The following ARHGAP1 variants were observed in gnomAD, a reference collection of about 807,000 sequenced individuals.
The protein encoded by ARHGAP1 is Rho GTPase activating protein 1, also known as rho GTPase-activating protein 1.
In ARHGAP1, 23 loss-of-function variants were observed where a neutral mutation model predicts 52.2. The ratio of observed to expected loss-of-function variants is 0.44; its 90% CI spans 0.32 to 0.62. ARHGAP1 has a LOEUF of 0.62. ARHGAP1 is among the 20% of genes least tolerant of loss of function. The pLI is 0.05. For missense variants in ARHGAP1, 480 were observed against 560.9 expected, an observed-to-expected ratio of 0.86 and a Z score of 1.46; for synonymous variants, 210 against 228.4, an observed-to-expected ratio of 0.92 and a Z score of 0.73.
chr11:46,681,337 G>C lies in ARHGAP1; in HGVS notation c.492C>G (p.Thr164=). The C allele has an allele frequency of 6.2e-7, 1 of 1,613,834 alleles. No homozygotes were observed. Among genetic ancestry groups the C allele is most frequent in the Non-Finnish European group, 8.5e-7 (1 of 1,179,694 alleles). The part of the protein sequence containing the change: ...NIKALYIVHP[T]MFIKTLLILF... Reference sequence around the variant, plus strand: ...GGATGAGCAGAGTTTTGATGAACATGGTTGGATGCACGATGTACAAGGCCT... The same window carrying C: ...GGATGAGCAGAGTTTTGATGAACATCGTTGGATGCACGATGTACAAGGCCT... Residue 164 remains threonine, a synonymous_variant, in exon 6 of 13, where the codon ACC becomes ACG. Coordinates refer to ENST00000311956, the MANE Select transcript of ARHGAP1 (RefSeq NM_004308.5). The surrounding 1 kb of genome is among the most constrained non-coding windows in gnomAD (Gnocchi z 5.7).
chr11:46,690,244 A>G (rs2064601540), intron 3 of ARHGAP1, among the ~76,000 whole-genome samples: 1 of 151,952 alleles, frequency 6.6e-6, no homozygotes, highest in Non-Finnish European at 1.5e-5. Flanking sequence ...AAAATTAGCC[A>G]GGTGTGGTGG....
At position 46,699,003 on chromosome 11, in the gene ARHGAP1, T is replaced by C. The variant is rs996395144; in HGVS notation, c.-50+1548A>G. Among the ~76,000 whole-genome samples the C allele has an allele frequency of 7.2e-5, 11 of 152,290 alleles. 1 individual carries two copies. In the South Asian group the frequency reaches 2.3e-3, roughly 32 times the overall value. On this transcript the variant is annotated intron_variant, in intron 1 of 12. Coordinates refer to ENST00000311956, the MANE Select transcript of ARHGAP1 (RefSeq NM_004308.5). Reference sequence around the variant, plus strand: ...CAAGCCTGCTCTACTCTGTGCAAAATACACCCAACTCTGAGATTAATTTTT... The same window carrying C: ...CAAGCCTGCTCTACTCTGTGCAAAACACACCCAACTCTGAGATTAATTTTT...
Position 46,680,769 on chromosome 11 carries a change from G to C in ARHGAP1, c.636-22C>G. On this transcript the variant is annotated intron_variant, in intron 7 of 12. Coordinates refer to ENST00000311956, the MANE Select transcript of ARHGAP1 (RefSeq NM_004308.5). The surrounding 1 kb of genome is among the most constrained non-coding windows in gnomAD (Gnocchi z 5.9). The stretch of plus-strand genomic sequence containing the variant: ...ATATCTGTAGGAGTAGAGGGAGGTG[G>C]GTCAGGTCCTGCCTGGCTCTGGAGT... 2.0e-6 allele frequency: 3 copies of C among 1,499,384 alleles called. No individual in the cohort carries two copies. The highest frequency in any genetic ancestry group is 2.7e-6 in the Non-Finnish European group (3 of 1,117,156). 92.9% of individuals were successfully genotyped at this position (1,499,384 alleles called of 1,614,324 possible).
At chr11:46,698,557 G>A (rs2134500501) in intron 1 of ARHGAP1, among the ~76,000 whole-genome samples, 1 of 150,468 alleles carries the variant, frequency 6.6e-6, no homozygotes, top group East Asian at 2.0e-4. Context: ...GCAGTGAGCT[G>A]AGATCAAGCT....
chr11:46,677,937 C>T lies in ARHGAP1; in HGVS notation c.*1100G>A. 2 of 430,548 alleles carry T rather than the reference C, an allele frequency of 4.6e-6. No individual in the cohort carries two copies. The highest frequency in any genetic ancestry group is 9.1e-6 in the Non-Finnish European group (2 of 218,752). The allele number at this position is 430,548 out of a possible 1,614,324, so 26.7% of individuals were successfully genotyped here. A position where few individuals can be genotyped will look rare whatever the true frequency, so the allele number is the denominator to read the frequency against. ...CCAGCCTGGTGACAGAGCGAGACTCCATCTCAGAAAAAAAAAAAAAAAGGT... is the reference window on the plus strand; with the variant it reads ...CCAGCCTGGTGACAGAGCGAGACTCTATCTCAGAAAAAAAAAAAAAAAGGT... On this transcript the variant is annotated 3_prime_UTR_variant, in exon 13 of 13. Coordinates refer to ENST00000311956, the MANE Select transcript of ARHGAP1 (RefSeq NM_004308.5).
At chr11:46,683,255 C>G (rs946190100) in intron 4 of ARHGAP1, among the ~76,000 whole-genome samples, 5 of 152,046 alleles carry the variant, frequency 3.3e-5, no homozygotes, top group African/African-American at 1.2e-4. Context: ...GTTGCCCAGG[C>G]TGGTCTTGAG....
intron 3 of ARHGAP1, among the ~76,000 whole-genome samples, chr11:46,691,441 C>A (rs1354426378): frequency 7.3e-6 from 1 of 136,208 alleles, no homozygotes; most frequent in Non-Finnish European, 1.5e-5. Flanking sequence ...GGTGCCAGCA[C>A]ACCAGGCTAA....
Position 46,679,925 on chromosome 11 carries a change from C to T in ARHGAP1, c.899-149G>A. On this transcript the variant is annotated intron_variant, in intron 10 of 12. Transcript: ENST00000311956. The surrounding 1 kb of genome is among the most constrained non-coding windows in gnomAD (Gnocchi z 4.4). ...GCCCTCTGACACCTGCCTCCCTCTT[C>T]CTCTGTGATCAGAGAATGCAGGTTC... 1 of 1,281,018 alleles carries T rather than the reference C, an allele frequency of 7.8e-7. No individual in the cohort carries two copies. The highest frequency in any genetic ancestry group is 1.1e-6 in the Non-Finnish European group (1 of 947,316). The allele number at this position is 1,281,018 out of a possible 1,614,324, so 79.4% of individuals were successfully genotyped here. A position where few individuals can be genotyped will look rare whatever the true frequency, so the allele number is the denominator to read the frequency against.
At chr11:46,688,931 A>C (rs182855551) in intron 3 of ARHGAP1, among the ~76,000 whole-genome samples, 2 of 152,088 alleles carry the variant, frequency 1.3e-5, no homozygotes, top group East Asian at 3.9e-4. Flanking sequence ...CAAAAATACA[A>C]AAATTAGCTG....
intron 4 of ARHGAP1, among the ~76,000 whole-genome samples, chr11:46,685,799 C>G (rs996132154): frequency 2.6e-5 from 4 of 151,504 alleles, no homozygotes; most frequent in African/African-American, 9.7e-5. Context: ...TTGCCTCAGC[C>G]TCCTGAGTAG....
In ARHGAP1 at chr11:46,678,989, TCC is replaced by T. The variant is rs1364800570; in HGVS notation, c.*46_*47del. The T allele has an allele frequency of 1.9e-6, 3 of 1,596,396 alleles. No homozygotes were observed. The African/African-American group carries it at 4.0e-5, about 21-fold the overall frequency. ...TGGCCCCTGATGCCAGGAGGAAGAGTCCAAACCCGGGCTACCAGAGAAGGGGC... is the reference window on the plus strand; with the variant it reads ...TGGCCCCTGATGCCAGGAGGAAGAGTAAACCCGGGCTACCAGAGAAGGGGC... On this transcript the variant is annotated 3_prime_UTR_variant, in exon 13 of 13. Transcript: ENST00000311956.
rs1320257404 is a variant in ARHGAP1 at position 46,685,674 on chromosome 11, CTCTT to C, written c.317+2495_317+2498del. 2.3e-5 allele frequency among the ~76,000 whole-genome samples: 3 copies of C among 129,604 alleles called. 1 individual carries two copies. The South Asian group carries it at 7.0e-4, about 30-fold the overall frequency. The allele number at this position is 129,604 out of a possible 152,430, so 85.0% of individuals were successfully genotyped here. ...ACAGCCCTGGGAGGTGGGCACAAGTCTCTTTTTTTTTTTTTTTTTTTTGAGACAG... is the reference window on the plus strand; with the variant it reads ...ACAGCCCTGGGAGGTGGGCACAAGTCTTTTTTTTTTTTTTTTTTGAGACAG... On this transcript the variant is annotated intron_variant, in intron 4 of 12. Transcript: ENST00000311956.
Position 46,679,316 on chromosome 11 carries a change from C to T in ARHGAP1, c.1131+49G>A, listed in dbSNP as rs2064505291. 2.5e-6 allele frequency: 4 copies of T among 1,606,438 alleles called. No homozygotes were observed. The highest frequency in any genetic ancestry group is 2.6e-6 in the Non-Finnish European group (3 of 1,173,982). ...GACCAGGGCGCAGAGGAGGCGGCAGCTCCTCCTTCCCCCTCCCTTCACCCC... is the reference window on the plus strand; with the variant it reads ...GACCAGGGCGCAGAGGAGGCGGCAGTTCCTCCTTCCCCCTCCCTTCACCCC... On this transcript the variant is annotated intron_variant, in intron 12 of 12. Coordinates refer to ENST00000311956, the MANE Select transcript of ARHGAP1 (RefSeq NM_004308.5). This position sits in a 1 kb window ranked among gnomAD's most constrained non-coding sequence, Gnocchi z 4.4.
intron 3 of ARHGAP1, 94 bp from the exon 4 acceptor site, chr11:46,688,354 C>T: frequency 1.6e-6 from 2 of 1,260,848 alleles, no homozygotes; most frequent in South Asian, 2.7e-5. Flanking sequence ...CTGATCTGAG[C>T]CAGTTACCAC....
intron 3 of ARHGAP1, chr11:46,695,444 C>A: frequency 1.5e-6 from 1 of 651,440 alleles, no homozygotes; most frequent in South Asian, 1.5e-5. Context: ...ATTATTGTAA[C>A]CCACAAGGAA....
At chr11:46,689,260 C>A (rs1276178761) in intron 3 of ARHGAP1, among the ~76,000 whole-genome samples, 1 of 152,104 alleles carries the variant, frequency 6.6e-6, no homozygotes, top group East Asian at 1.9e-4. Context: ...AAGCCAGTCA[C>A]AAAAGGCCAC....
chr11:46,690,479 A>C (rs952632339), intron 3 of ARHGAP1, among the ~76,000 whole-genome samples: 4 of 151,936 alleles, frequency 2.6e-5, no homozygotes, highest in Non-Finnish European at 5.9e-5. Flanking sequence ...TGATCCTCTC[A>C]CCTCAGCTTC....
At chr11:46,691,087 T>C (rs1022603409) in intron 3 of ARHGAP1, among the ~76,000 whole-genome samples, 34 of 152,092 alleles carry the variant, frequency 2.2e-4, no homozygotes, top group Non-Finnish European at 8.8e-5. Context: ...AGAATCTTGT[T>C]ATGTTGCCCA....
At chr11:46,693,937 AGAAC>A (rs1178162100) in intron 3 of ARHGAP1, among the ~76,000 whole-genome samples, 1 of 152,226 alleles carries the variant, frequency 6.6e-6, no homozygotes, top group Admixed American at 6.5e-5. Flanking sequence ...ACCACTGGAA[AGAAC>A]CCACTGGGAC....
Sources: allele counts gnomAD v4.1 joint callset (sites outside exome capture counted in the v4.1 genomes callset), GRCh38; gene constraint gnomAD v4.1.1; non-coding constraint Gnocchi (gnomAD v3.1); transcripts MANE v1.5; gene names NCBI Gene and HGNC (gene_info 2026-07-23, HGNC 2026-07-21).